The following MICAL3 variants were observed in gnomAD, a reference collection of about 807,000 sequenced individuals.
MICAL3 encodes [F-actin]-monooxygenase MICAL3.
Under a neutral mutation model 207.4 loss-of-function variants are expected in MICAL3, and 62 were observed. The ratio of observed to expected loss-of-function variants is 0.30; its 90% confidence interval spans 0.24 to 0.37. The LOEUF (loss-of-function observed/expected upper bound fraction) is 0.37. MICAL3 is among the 10% of genes least tolerant of loss of function. MICAL3 has a pLI of 1.00. For synonymous variants in MICAL3, 1,077 were observed against 1,069.3 expected, an observed-to-expected ratio of 1.01 and a Z score of -0.14; for missense variants, 2,368 against 2,635.6, an observed-to-expected ratio of 0.90 and a Z score of 2.22.
intron 1 of MICAL3, among the ~76,000 whole-genome samples, chr22:17,945,631 G>A (rs1002994532): frequency 5.3e-5 from 8 of 152,166 alleles, no homozygotes; most frequent in African/African-American, 1.4e-4. Flanking sequence ...CCCAGGGAGG[G>A]GAGGGGCTCA....
chr22:17,809,683 G>T (rs1669751963), intron 28 of MICAL3, among the ~76,000 whole-genome samples: 1 of 152,140 alleles, frequency 6.6e-6, no homozygotes, highest in African/African-American at 2.4e-5. Flanking sequence ...CTAGATTCAG[G>T]GTCTGTGCAG....
chr22:17,856,754 T>C (rs1370386741), intron 19 of MICAL3, among the ~76,000 whole-genome samples: 1 of 151,876 alleles, frequency 6.6e-6, no homozygotes, highest in Non-Finnish European at 1.5e-5. Flanking sequence ...CCCGAGTAGC[T>C]GGGACTACAG....
intron 29 of MICAL3, among the ~76,000 whole-genome samples, chr22:17,798,932 C>T (rs575216857): frequency 1.3e-5 from 2 of 152,232 alleles, no homozygotes; most frequent in African/African-American, 4.8e-5. Context: ...CTCGGCCTCC[C>T]AAAGTGCTGG....
At chr22:17,992,110 G>A (rs1354530917) in intron 1 of MICAL3, among the ~76,000 whole-genome samples, 3 of 152,180 alleles carry the variant, frequency 2.0e-5, no homozygotes, top group Admixed American at 6.5e-5. Context: ...GTCCACTTGG[G>A]GCACCTATAT....
chr22:17,833,487 C>G (rs529751556), intron 20 of MICAL3, among the ~76,000 whole-genome samples: 1 of 152,176 alleles, frequency 6.6e-6, no homozygotes, highest in Admixed American at 6.5e-5. Flanking sequence ...TGTGAGAGGG[C>G]GAACCAGTAA....
intron 1 of MICAL3, among the ~76,000 whole-genome samples, chr22:17,950,336 T>TG (rs1934276588): frequency 1.7e-5 from 2 of 120,700 alleles, no homozygotes; most frequent in South Asian, 2.5e-4. Context: ...GTTTTGTTTT[T>TG]GTTTTTTTTT....
chr22:17,992,477 T>C (rs191573308), intron 1 of MICAL3, among the ~76,000 whole-genome samples: 135 of 152,322 alleles, frequency 8.9e-4, no homozygotes, highest in African/African-American at 3.1e-3. Context: ...TGACAATGCA[T>C]CCAACCCCTT....
intron 29 of MICAL3, among the ~76,000 whole-genome samples, chr22:17,808,432 T>C (rs9617619): frequency 0.14 from 21,717 of 152,190 alleles, 2,447 homozygotes; most frequent in African/African-American, 0.31. Context: ...CCCAGGGAAC[T>C]AACGACATGA....
At chr22:17,964,252 C>T (rs73390513) in intron 1 of MICAL3, among the ~76,000 whole-genome samples, 3,597 of 152,308 alleles carry the variant, frequency 0.024, 159 homozygotes, top group African/African-American at 0.083. Context: ...CCTGCTGTTG[C>T]CCTCTGTCCC....
At chr22:18,021,030 G>T (rs1231970712) in intron 1 of MICAL3, among the ~76,000 whole-genome samples, 4 of 152,186 alleles carry the variant, frequency 2.6e-5, no homozygotes, top group Admixed American at 6.5e-5. Flanking sequence ...TTAAAAAAGT[G>T]TGAAAAGGGA....
chr22:17,809,030 G>T, intron 28 of MICAL3, 93 bp from the exon 29 acceptor site: 1 of 1,106,672 alleles, frequency 9.0e-7, no homozygotes, highest in Non-Finnish European at 1.3e-6. Context: ...AAACACAGGA[G>T]TTGCCGCTCT....
chr22:18,020,749 A>T (rs927637811), intron 1 of MICAL3, among the ~76,000 whole-genome samples: 1 of 151,468 alleles, frequency 6.6e-6, no homozygotes, highest in African/African-American at 2.4e-5. Flanking sequence ...CCCCATCTCT[A>T]TTAAAAATAC....
At chr22:17,972,075 G>A (rs1011436191) in intron 1 of MICAL3, among the ~76,000 whole-genome samples, 10 of 152,282 alleles carry the variant, frequency 6.6e-5, no homozygotes, top group Middle Eastern at 3.4e-3. Flanking sequence ...AGCCCAGTGC[G>A]CTCCTCAAGG....
chr22:17,981,883 G>A lies in MICAL3; in HGVS notation c.-75+42398C>T, dbSNP rs147197613. Among the ~76,000 whole-genome samples, 77 of 152,196 alleles carry A rather than the reference G, an allele frequency of 5.1e-4. 1 individual carries two copies. Among genetic ancestry groups the A allele is most frequent in the African/African-American group, 1.8e-3 (75 of 41,538 alleles). ...CCACACCTGCTGAGGTACAAGGATCGCTTGAGCCCAGGAGTTGGAGACCAG... is the reference window on the plus strand; with the variant it reads ...CCACACCTGCTGAGGTACAAGGATCACTTGAGCCCAGGAGTTGGAGACCAG... On this transcript the variant is annotated intron_variant, in intron 1 of 31. Coordinates refer to ENST00000441493, the MANE Select transcript of MICAL3 (RefSeq NM_015241.3).
In MICAL3 at chr22:17,818,353, G is replaced by A; in HGVS notation, c.4308C>T (p.Asn1436=). 1 of 1,598,490 alleles carries A rather than the reference G, an allele frequency of 6.3e-7. No individual in the cohort carries two copies. The highest frequency in any genetic ancestry group is 8.5e-7 in the Non-Finnish European group (1 of 1,174,376). The change falls in exon 26 of 32, where the codon AAC becomes AAT. Residue 1436 remains asparagine (N), a synonymous_variant. Transcript: ENST00000441493. The stretch of plus-strand genomic sequence containing the variant: ...AGCTCTGGCTGCCCAGTGTCTTCAT[G>A]TTGGAGGAGCTCCCGTGCAGGCCCA... The part of the protein sequence containing the change: ...SGLGLHGSSS[N]MKTLGSQSFN...
At chr22:17,830,620 G>A (rs1055511459) in intron 21 of MICAL3, among the ~76,000 whole-genome samples, 49 of 152,238 alleles carry the variant, frequency 3.2e-4, no homozygotes, top group African/African-American at 1.1e-3. Context: ...GCCGGCACCT[G>A]GCTCCGCAGA....
rs34107345 is a variant in MICAL3, at chr22:18,019,806, A to ATTTTT, written c.-75+4470_-75+4474dup. On this transcript the variant is annotated intron_variant, in intron 1 of 31. Transcript: ENST00000441493. ...ACTAGAGAAAATGAGAATGCTGCTG[A>ATTTTT]TTTTTTTTTTTTTTTTTTTTTTTTT... 125 of 77,894 alleles carry ATTTTT rather than the reference A, an allele frequency of 1.6e-3. 16 individuals carry two copies. The highest frequency in any genetic ancestry group is 6.1e-3 in the East Asian group (15 of 2,450). The allele number at this position is 77,894 out of a possible 1,614,324, so 4.8% of individuals were successfully genotyped here.
intron 25 of MICAL3, among the ~76,000 whole-genome samples, chr22:17,820,655 G>A (rs1921483800): frequency 6.6e-6 from 1 of 152,020 alleles, no homozygotes; most frequent in African/African-American, 2.4e-5. Context: ...CGCCTGGCCA[G>A]ATGTTGTAAA....
chr22:17,809,169 G>A (rs1317616501), intron 28 of MICAL3, among the ~76,000 whole-genome samples: 1 of 152,254 alleles, frequency 6.6e-6, no homozygotes, highest in Non-Finnish European at 1.5e-5. Flanking sequence ...GCGTGGACGT[G>A]ACTCAAGTAG....
Sources: gnomAD v4.1 joint callset for allele counts (sites outside exome capture counted in the v4.1 genomes callset) on GRCh38, gnomAD v4.1.1 for gene constraint, MANE v1.5 for transcripts, NCBI Gene and HGNC (gene_info 2026-07-23, HGNC 2026-07-21) for gene names.